CEP70: variants seen among roughly 807,000 people sequenced by gnomAD.
CEP70 encodes centrosomal protein 70, also known as centrosomal protein of 70 kDa.
Under a neutral mutation model 90.9 loss-of-function variants are expected in CEP70, and 70 were observed. That is an observed-to-expected ratio of 0.77 (90% CI 0.64 to 0.94). The LOEUF is 0.94. CEP70 is among the 40% of genes least tolerant of loss of function. The pLI is 0.00. For missense variants in CEP70, 648 were observed against 669.0 expected (o/e 0.97, Z 0.35); for synonymous variants, 220 against 228.3 (o/e 0.96, Z 0.33).
At chr3:138,558,321 C>T (rs1204597169) in intron 6 of CEP70, among the ~76,000 whole-genome samples, 1 of 152,100 alleles carries the variant, frequency 6.6e-6, no homozygotes, top group African/African-American at 2.4e-5. Context: ...GCTGAGATCA[C>T]ACCACTGCAC....
chr3:138,538,685 C>G lies in CEP70; in HGVS notation c.466-1338G>C, dbSNP rs543330744. ...AAAAGGAGCCAGTGACTGACCCTAA[C>G]GAGACAGTGTGGTGAGATTCTTCAG... On this transcript the variant is annotated intron_variant, in intron 6 of 17. Transcript: ENST00000264982. 3.7e-4 allele frequency among the ~76,000 whole-genome samples: 56 copies of G among 152,242 alleles called. No homozygotes were observed. In the Middle Eastern group the frequency reaches 0.014, roughly 37 times the overall value.
At position 138,501,498 on chromosome 3, in the gene CEP70, G is replaced by C. The variant is rs184802432; in HGVS notation, c.1222-617C>G. ...CTCTAAACTATTTTCTGTTTCTATG[G>C]ATTTGCCTATTCTAGGCATTTTGCA... is the stretch of plus-strand genomic sequence containing the variant. On this transcript the variant is annotated intron_variant, in intron 13 of 17. Coordinates refer to ENST00000264982, the MANE Select transcript of CEP70 (RefSeq NM_024491.4). Among the ~76,000 whole-genome samples, 440 of 152,176 alleles carry C rather than the reference G, an allele frequency of 2.9e-3. 4 individuals carry two copies. Among genetic ancestry groups the C allele is most frequent in the African/African-American group, 0.01 (424 of 41,526 alleles).
At chr3:138,513,023 C>T (rs2035670777) in intron 11 of CEP70, among the ~76,000 whole-genome samples, 1 of 152,180 alleles carries the variant, frequency 6.6e-6, no homozygotes, top group African/African-American at 2.4e-5. Context: ...AGCACCAGTG[C>T]CAAACTCTGA....
intron 6 of CEP70, among the ~76,000 whole-genome samples, chr3:138,567,766 C>T (rs1246307092): frequency 6.6e-6 from 1 of 152,184 alleles, no homozygotes; most frequent in Non-Finnish European, 1.5e-5. Flanking sequence ...GTTCTAGCAA[C>T]CTCTTTAAGC....
chr3:138,509,032 C>T (rs1242571802), intron 11 of CEP70, among the ~76,000 whole-genome samples: 1 of 152,168 alleles, frequency 6.6e-6, no homozygotes, highest in Non-Finnish European at 1.5e-5. Flanking sequence ...CGTGCCCGGC[C>T]AGAGTTTAAA....
At chr3:138,495,443 G>A (rs1459979198) in intron 17 of CEP70, among the ~76,000 whole-genome samples, 1 of 152,164 alleles carries the variant, frequency 6.6e-6, no homozygotes, top group African/African-American at 2.4e-5. Flanking sequence ...CCCAGGTAGA[G>A]GCGTCTCCTC....
At chr3:138,572,721 A>G (rs929591547) in intron 3 of CEP70, 138 bp downstream of exon 3, 38 of 687,738 alleles carry the variant, frequency 5.5e-5, no homozygotes, top group Non-Finnish European at 1.0e-5. Context: ...TAATTAAACC[A>G]TTTCATAGTC....
intron 2 of CEP70, among the ~76,000 whole-genome samples, chr3:138,588,738 C>T (rs2042230934): frequency 6.6e-6 from 1 of 152,094 alleles, no homozygotes; most frequent in Admixed American, 6.5e-5. Flanking sequence ...TAGAATTTAC[C>T]CAAGAGAAAT....
intron 6 of CEP70, among the ~76,000 whole-genome samples, chr3:138,542,516 C>T (rs1468321381): frequency 6.6e-6 from 1 of 152,220 alleles, no homozygotes; most frequent in Non-Finnish European, 1.5e-5. Context: ...GTTTCAGTCC[C>T]ACCACCCTGC....
At chr3:138,519,995 A>G (rs1344221145) in intron 11 of CEP70, among the ~76,000 whole-genome samples, 2 of 152,196 alleles carry the variant, frequency 1.3e-5, no homozygotes, top group African/African-American at 4.8e-5. Context: ...AAGATCTACT[A>G]AGCAAATGGA....
chr3:138,535,189 C>A (rs921410162), intron 7 of CEP70, among the ~76,000 whole-genome samples: 1 of 152,150 alleles, frequency 6.6e-6, no homozygotes, highest in Non-Finnish European at 1.5e-5. Context: ...GGACTCTTGA[C>A]GTCCCAAACA....
chr3:138,570,424 T>A lies in CEP70; in HGVS notation c.359A>T (p.Glu120Val). 1 of 1,610,654 alleles carries A rather than the reference T, an allele frequency of 6.2e-7. No individual in the cohort carries two copies. The highest frequency in any genetic ancestry group is 2.2e-5 in the East Asian group (1 of 44,534). Residue 120 changes from glutamate to valine, a missense_variant, in exon 6 of 18, where the codon GAA becomes GTA. Transcript: ENST00000264982. ...TTCACCAATTTTGGATTTCACACTT[T>A]CCATAATTTGTTCCAAGTCATTAGC... The part of the protein sequence containing the change: ...QRANDLEQIM[E>V]SVKSKIGELE...
At chr3:138,563,173 A>G (rs1560418501) in intron 6 of CEP70, among the ~76,000 whole-genome samples, 1 of 152,196 alleles carries the variant, frequency 6.6e-6, no homozygotes, top group Non-Finnish European at 1.5e-5. Context: ...TATGCACCCA[A>G]TACAGGAGCA....
intron 11 of CEP70, among the ~76,000 whole-genome samples, chr3:138,510,723 C>CA (rs1226641174): frequency 1.3e-5 from 2 of 152,102 alleles, no homozygotes; most frequent in African/African-American, 4.8e-5. Context: ...AGTAGTCCCC[C>CA]CTTGTCAGTG....
chr3:138,586,657 G>A (rs1179723851), intron 2 of CEP70, among the ~76,000 whole-genome samples: 2 of 152,196 alleles, frequency 1.3e-5, no homozygotes, highest in African/African-American at 4.8e-5. Context: ...ACACAGAGTA[G>A]AAGGATGGTT....
At chr3:138,507,657 T>C (rs1239947519) in intron 12 of CEP70, among the ~76,000 whole-genome samples, 1 of 152,182 alleles carries the variant, frequency 6.6e-6, no homozygotes, top group Non-Finnish European at 1.5e-5. Flanking sequence ...TATTAGAGAC[T>C]GCAAACACAA....
rs755532543 is a variant in CEP70, at chr3:138,529,372, T to C, written c.780+3A>G. ...GTATTTATTAGTTATGCAGTCCCCA[T>C]ACCATTAAAAGGCCTTTATAAGTTG... On this transcript the variant is annotated splice_donor_region_variant and intron_variant, in intron 9 of 17. Coordinates refer to ENST00000264982, the MANE Select transcript of CEP70 (RefSeq NM_024491.4). The C allele has an allele frequency of 1.3e-6, 2 of 1,597,938 alleles. No homozygotes were observed. The highest frequency in any genetic ancestry group is 1.7e-5 in the Admixed American group (1 of 58,658).
chr3:138,557,594 CCT>C (rs540712059), intron 6 of CEP70, among the ~76,000 whole-genome samples: 95 of 152,300 alleles, frequency 6.2e-4, no homozygotes, highest in Admixed American at 5.7e-3. Context: ...TCAGCCAGTC[CCT>C]CTGTTTGGGG....
At chr3:138,552,106 T>A (rs556564672) in intron 6 of CEP70, among the ~76,000 whole-genome samples, 2 of 152,148 alleles carry the variant, frequency 1.3e-5, no homozygotes, top group Non-Finnish European at 2.9e-5. Context: ...TAGAAAGCCT[T>A]GTCCAACAGG....
Sources: allele counts gnomAD v4.1 joint callset (sites outside exome capture counted in the v4.1 genomes callset), GRCh38; gene constraint gnomAD v4.1.1; transcripts MANE v1.5; gene names NCBI Gene and HGNC (gene_info 2026-07-23, HGNC 2026-07-21).